MACROH2A1: variants seen among roughly 807,000 people sequenced by gnomAD.
The protein encoded by MACROH2A1 is macroH2A.1 histone, also known as core histone macro-H2A.1.
A neutral mutation model predicts 31.6 loss-of-function variants in MACROH2A1; 2 were observed. That is an observed-to-expected ratio of 0.06 (90% CI 0.03 to 0.20). MACROH2A1 has a LOEUF of 0.20. Ranked by LOEUF, MACROH2A1 falls within the 10% of genes least tolerant of loss-of-function variation. The pLI is 1.00. For missense variants in MACROH2A1, 230 were observed against 474.0 expected (o/e 0.49, Z 4.78); for synonymous variants, 169 against 189.6 (o/e 0.89, Z 0.89).
At chr5:135,344,599 T>G (rs1020869626) in intron 7 of MACROH2A1, 1 of 152,210 alleles carries the variant, frequency 6.6e-6, no homozygotes, top group Admixed American at 6.5e-5. Flanking sequence ...CCAGTGGGTT[T>G]GTCCCCATGA....
At position 135,383,706 on chromosome 5, in the gene MACROH2A1, T is replaced by TGG. The variant is rs1233265942; in HGVS notation, c.172+5215_172+5216insCC. ...TTCCTGTGTGATGTGGTGTGGTGTG[T>TGG]GTGTGTGTGTGTGTGTGTGTGTGTG... On this transcript the variant is annotated intron_variant, in intron 2 of 8. Coordinates refer to ENST00000511689, the MANE Select transcript of MACROH2A1 (RefSeq NM_138610.3). Among the ~76,000 whole-genome samples, 230 of 110,600 alleles carry TGG rather than the reference T, an allele frequency of 2.1e-3. 1 individual carries two copies. Among genetic ancestry groups the TGG allele is most frequent in the Non-Finnish European group, 2.9e-3 (164 of 56,700 alleles). 72.6% of individuals were successfully genotyped at this position (110,600 alleles called of 152,430 possible).
At chr5:135,385,908 G>T (rs953493098) in intron 2 of MACROH2A1, among the ~76,000 whole-genome samples, 1 of 152,166 alleles carries the variant, frequency 6.6e-6, no homozygotes, top group Non-Finnish European at 1.5e-5. Context: ...ACTCTGCCCT[G>T]ATCACTCCTG....
At chr5:135,376,577 G>C (rs1764901138) in intron 2 of MACROH2A1, among the ~76,000 whole-genome samples, 2 of 152,142 alleles carry the variant, frequency 1.3e-5, no homozygotes, top group African/African-American at 4.8e-5. Flanking sequence ...GTCTGCAGGG[G>C]AGGGCAGCAA....
intron 2 of MACROH2A1, among the ~76,000 whole-genome samples, chr5:135,382,486 C>T (rs563952093): frequency 6.6e-6 from 1 of 152,216 alleles, no homozygotes; most frequent in South Asian, 2.1e-4. Context: ...ACAAGCTTTA[C>T]AAAAATTAAC....
rs1184412337 is a variant in MACROH2A1, at chr5:135,388,907, C to A, written c.172+15G>T. On this transcript the variant is annotated intron_variant, in intron 2 of 8. Transcript: ENST00000511689. ...CTTAAGCCAGTGGTGTCTGGGTTGA[C>A]TGAGGTACACTCACCTGTCAGGTAT... The A allele has an allele frequency of 1.9e-6, 3 of 1,576,768 alleles. No individual in the cohort carries two copies. The highest frequency in any genetic ancestry group is 1.7e-5 in the Admixed American group (1 of 58,440).
At chr5:135,394,101 G>T (rs576081910) in intron 1 of MACROH2A1, among the ~76,000 whole-genome samples, 1 of 152,176 alleles carries the variant, frequency 6.6e-6, no homozygotes. Context: ...ACTAGGAGGG[G>T]CAGTAGGGGC....
At chr5:135,373,199 T>C (rs1471435483) in intron 2 of MACROH2A1, among the ~76,000 whole-genome samples, 6 of 152,026 alleles carry the variant, frequency 3.9e-5, no homozygotes, top group East Asian at 1.9e-4. Context: ...TCAGTGGCCG[T>C]TGGTGGTCGG....
intron 1 of MACROH2A1, among the ~76,000 whole-genome samples, chr5:135,391,755 C>T (rs1767274599): frequency 6.6e-6 from 1 of 152,194 alleles, no homozygotes; most frequent in Non-Finnish European, 1.5e-5. Context: ...TCTGTCCACC[C>T]CACAGCACCC....
At position 135,399,025 on chromosome 5, in the gene MACROH2A1, A is replaced by G. The variant is rs902739828; in HGVS notation, c.-34+37T>C. On this transcript the variant is annotated intron_variant, in intron 1 of 8. Coordinates refer to ENST00000511689, the MANE Select transcript of MACROH2A1 (RefSeq NM_138610.3). The surrounding 1 kb of genome is among the most constrained non-coding windows in gnomAD (Gnocchi z 4.5). ...CCGCGGCCGGACCCGAGCGGCGGGG[A>G]CAGGGAGTGCGGCAAGGGGGCCCGC... 1 of 148,802 alleles carries G rather than the reference A, an allele frequency of 6.7e-6. No homozygotes were observed. Among genetic ancestry groups the G allele is most frequent in the Non-Finnish European group, 1.5e-5 (1 of 66,948 alleles). The allele number at this position is 148,802 out of a possible 1,614,324, so 9.2% of individuals were successfully genotyped here.
intron 8 of MACROH2A1, among the ~76,000 whole-genome samples, chr5:135,337,594 A>C (rs1344994390): frequency 6.6e-6 from 1 of 152,268 alleles, no homozygotes; most frequent in Non-Finnish European, 1.5e-5. Flanking sequence ...CCTGCATCAG[A>C]ATTCTGGAGA....
chr5:135,396,312 C>T (rs1008472534), intron 1 of MACROH2A1, among the ~76,000 whole-genome samples: 1 of 152,176 alleles, frequency 6.6e-6, no homozygotes, highest in Admixed American at 6.5e-5. Context: ...CATTATTTGC[C>T]GAGTAGACGT....
chr5:135,357,721 C>T, intron 5 of MACROH2A1: 2 of 984,878 alleles, frequency 2.0e-6, no homozygotes, highest in Non-Finnish European at 2.4e-6. Flanking sequence ...ATTTAGTTGA[C>T]TCAGATTCAC....
intron 2 of MACROH2A1, among the ~76,000 whole-genome samples, chr5:135,378,194 T>C (rs1765155760): frequency 6.6e-6 from 1 of 152,224 alleles, no homozygotes; most frequent in Admixed American, 6.5e-5. Context: ...GGCACTGCCC[T>C]CTCCGACGCC....
intron 6 of MACROH2A1, 35 bp downstream of exon 6, chr5:135,352,911 G>T: frequency 9.1e-7 from 1 of 1,094,496 alleles, no homozygotes; most frequent in South Asian, 1.2e-5. Flanking sequence ...CTTTTCATCT[G>T]ACAGCTGGTG....
chr5:135,348,335 G>A (rs1761113931), intron 6 of MACROH2A1, among the ~76,000 whole-genome samples: 1 of 152,196 alleles, frequency 6.6e-6, no homozygotes, highest in African/African-American at 2.4e-5. Context: ...ATAAACATGT[G>A]TTACTCCCAT....
At position 135,369,246 on chromosome 5, in the gene MACROH2A1, G is replaced by C. The variant is rs1763891361; in HGVS notation, c.477+160C>G. ...CCTCCTGACTCTGGCTACTTGTGTT[G>C]GACTAGCCCCTCTGGAGAGTAATCA... On this transcript the variant is annotated intron_variant, in intron 4 of 8. Transcript: ENST00000511689. The surrounding 1 kb of genome is among the most constrained non-coding windows in gnomAD (Gnocchi z 4.3). 2 of 704,232 alleles carry C rather than the reference G, an allele frequency of 2.8e-6. No individual in the cohort carries two copies. The highest frequency in any genetic ancestry group is 1.8e-5 in the African/African-American group (1 of 56,572). The allele number at this position is 704,232 out of a possible 1,614,324, so 43.6% of individuals were successfully genotyped here. A position where few individuals can be genotyped will look rare whatever the true frequency, so the allele number is the denominator to read the frequency against.
chr5:135,394,781 C>T (rs1199413689), intron 1 of MACROH2A1, among the ~76,000 whole-genome samples: 1 of 152,158 alleles, frequency 6.6e-6, no homozygotes, highest in Non-Finnish European at 1.5e-5. Flanking sequence ...AACCAATTTG[C>T]TCTACTCACC....
chr5:135,383,700 G>GGTGTGTGTGTGTGT (rs61338247), intron 2 of MACROH2A1, among the ~76,000 whole-genome samples: 23 of 137,224 alleles, frequency 1.7e-4, no homozygotes, highest in East Asian at 1.5e-3. Context: ...GATGTGGTGT[G>GGTGTGTGTGTGTGT]GTGTGTGTGT....
chr5:135,394,293 C>A (rs1767659250), intron 1 of MACROH2A1, among the ~76,000 whole-genome samples: 1 of 152,208 alleles, frequency 6.6e-6, no homozygotes, highest in Non-Finnish European at 1.5e-5. Flanking sequence ...GCCTACTGGT[C>A]CCAATACCTT....
Sources: allele counts gnomAD v4.1 joint callset (sites outside exome capture counted in the v4.1 genomes callset), GRCh38; gene constraint gnomAD v4.1.1; non-coding constraint Gnocchi (gnomAD v3.1); transcripts MANE v1.5; gene names NCBI Gene and HGNC (gene_info 2026-07-23, HGNC 2026-07-21).